NRXN1: variants seen among roughly 807,000 people sequenced by gnomAD.
The protein encoded by NRXN1 is neurexin-1.
NRXN1 carries 39 observed loss-of-function variants against 150.9 expected under a neutral mutation model. The observed-to-expected ratio is 0.26, with a 90% CI of 0.20 to 0.34. The LOEUF is 0.34. NRXN1 is among the 10% of genes least tolerant of loss of function. The pLI, the probability that NRXN1 is intolerant of heterozygous loss-of-function variation, is 1.00. For synonymous variants in NRXN1, 924 were observed against 757.0 expected (o/e 1.22, Z -3.62); for missense variants, 1,815 against 1,949.9 (o/e 0.93, Z 1.30).
At chr2:49,984,141 C>T (rs1011622034) in intron 21 of NRXN1, among the ~76,000 whole-genome samples, 28 of 151,844 alleles carry the variant, frequency 1.8e-4, no homozygotes, top group African/African-American at 5.8e-4. Flanking sequence ...CACTCCAGTG[C>T]GGTCAATAGA....
chr2:50,542,996 A>T (rs1463878068), intron 9 of NRXN1, among the ~76,000 whole-genome samples: 2 of 152,180 alleles, frequency 1.3e-5, no homozygotes, highest in African/African-American at 2.4e-5. Context: ...TCAAATTAAT[A>T]TTTAAACCTG....
At chr2:50,386,139 T>C (rs1041892447) in intron 17 of NRXN1, among the ~76,000 whole-genome samples, 5 of 152,078 alleles carry the variant, frequency 3.3e-5, no homozygotes, top group African/African-American at 1.2e-4. Context: ...GAAAAATATA[T>C]TTTAACAAGT....
At chr2:50,132,973 AGG>A (rs1166106065) in intron 18 of NRXN1, among the ~76,000 whole-genome samples, 1 of 152,094 alleles carries the variant, frequency 6.6e-6, no homozygotes, top group Non-Finnish European at 1.5e-5. Flanking sequence ...TGAGATAGAA[AGG>A]AGCTGCGTAA....
At chr2:50,987,873 A>G (rs1697958854) in intron 2 of NRXN1, among the ~76,000 whole-genome samples, 1 of 151,962 alleles carries the variant, frequency 6.6e-6, no homozygotes, top group Non-Finnish European at 1.5e-5. Context: ...GAAAAGGAAC[A>G]CTACGAAACA....
At chr2:50,847,120 A>G (rs945006218) in intron 5 of NRXN1, among the ~76,000 whole-genome samples, 2 of 152,190 alleles carry the variant, frequency 1.3e-5, no homozygotes, top group Non-Finnish European at 2.9e-5. Context: ...GTCTTGTGAC[A>G]TGCATCAGGG....
chr2:50,641,562 T>A (rs1249320882), intron 5 of NRXN1, among the ~76,000 whole-genome samples: 2 of 152,034 alleles, frequency 1.3e-5, no homozygotes, highest in Non-Finnish European at 2.9e-5. Flanking sequence ...ACATCAGAAT[T>A]CTATACAAAA....
At chr2:50,287,395 A>G (rs764846304) in intron 17 of NRXN1, among the ~76,000 whole-genome samples, 2 of 152,096 alleles carry the variant, frequency 1.3e-5, no homozygotes, top group Non-Finnish European at 2.9e-5. Flanking sequence ...TGGATAGGAG[A>G]CTAAAAATTG....
chr2:50,347,591 C>G lies in NRXN1; in HGVS notation c.3365-110621G>C, dbSNP rs2078125140. 1 of 1,012,100 alleles carries G rather than the reference C, an allele frequency of 9.9e-7. No individual in the cohort carries two copies. The highest frequency in any genetic ancestry group is 1.2e-6 in the Non-Finnish European group (1 of 845,980). The allele number at this position is 1,012,100 out of a possible 1,614,324, so 62.7% of individuals were successfully genotyped here. On this transcript the variant is annotated intron_variant, in intron 17 of 22. Transcript: ENST00000401669. The surrounding 1 kb of genome is among the most constrained non-coding windows in gnomAD (Gnocchi z 4.9). Reference sequence around the variant, plus strand: ...GCATCGCCTGCTCCCGAGGCAATCTCCGCGTCCGCCGCCTCCTGACACTTA... The same window carrying G: ...GCATCGCCTGCTCCCGAGGCAATCTGCGCGTCCGCCGCCTCCTGACACTTA...
chr2:50,740,816 G>C (rs778913356), intron 5 of NRXN1, among the ~76,000 whole-genome samples: 1 of 152,216 alleles, frequency 6.6e-6, no homozygotes, highest in Middle Eastern at 3.4e-3. Flanking sequence ...TTTTATTTTG[G>C]AATCAGAAAT....
At chr2:50,342,055 A>G (rs1034889606) in intron 17 of NRXN1, among the ~76,000 whole-genome samples, 2 of 152,124 alleles carry the variant, frequency 1.3e-5, no homozygotes, top group African/African-American at 4.8e-5. Flanking sequence ...GCCTCCTCCA[A>G]CCTCAACTCT....
chr2:50,590,344 A>G (rs2103793894), intron 8 of NRXN1, among the ~76,000 whole-genome samples: 1 of 152,272 alleles, frequency 6.6e-6, no homozygotes, highest in South Asian at 2.1e-4. Context: ...GCTCTATACA[A>G]TGCTGCTTCT....
intron 6 of NRXN1, among the ~76,000 whole-genome samples, chr2:50,621,614 T>C (rs1176864104): frequency 6.6e-6 from 1 of 152,074 alleles, no homozygotes; most frequent in Non-Finnish European, 1.5e-5. Flanking sequence ...TTCAAAGGCC[T>C]AAAGCGTTTC....
intron 17 of NRXN1, among the ~76,000 whole-genome samples, chr2:50,237,801 A>G (rs1439351394): frequency 1.3e-5 from 2 of 151,948 alleles, no homozygotes; most frequent in Non-Finnish European, 2.9e-5. Context: ...CTGTGTCCCC[A>G]CTCAAATCTC....
In NRXN1 at chr2:50,924,506, GA is replaced by G. The variant is rs796866563; in HGVS notation, c.790+1431del. On this transcript the variant is annotated intron_variant, in intron 3 of 22. Coordinates refer to ENST00000401669, the MANE Select transcript of NRXN1 (RefSeq NM_001330078.2). The stretch of plus-strand genomic sequence containing the variant: ...AAAAGCATTTCACAGGATGGATAAG[GA>G]AATGCAAAAGAAGTTGAAAAGATAC... Among the ~76,000 whole-genome samples, 97 of 151,684 alleles carry G rather than the reference GA, an allele frequency of 6.4e-4. 1 individual carries two copies. Among genetic ancestry groups the G allele is most frequent in the African/African-American group, 2.2e-3 (91 of 41,456 alleles).
intron 17 of NRXN1, among the ~76,000 whole-genome samples, chr2:50,350,500 A>T (rs2078332079): frequency 6.6e-6 from 1 of 152,184 alleles, no homozygotes; most frequent in African/African-American, 2.4e-5. Flanking sequence ...TGCATTGGGA[A>T]CACAAACGTT....
intron 2 of NRXN1, among the ~76,000 whole-genome samples, chr2:51,002,984 T>C (rs563200994): frequency 1.3e-5 from 2 of 152,100 alleles, no homozygotes; most frequent in South Asian, 4.1e-4. Context: ...AAATTAATTC[T>C]ATGTTCAAGC....
intron 17 of NRXN1, among the ~76,000 whole-genome samples, chr2:50,276,446 T>C (rs1005805873): frequency 5.9e-5 from 9 of 152,100 alleles, no homozygotes; most frequent in African/African-American, 2.2e-4. Flanking sequence ...TAAAGCAAGA[T>C]TATAGTGTAG....
intron 14 of NRXN1, among the ~76,000 whole-genome samples, chr2:50,496,972 G>C (rs988800965): frequency 1.3e-5 from 2 of 152,122 alleles, no homozygotes; most frequent in African/African-American, 4.8e-5. Context: ...ACTTGAATTA[G>C]CTATTTAATT....
intron 5 of NRXN1, among the ~76,000 whole-genome samples, chr2:50,857,197 G>A (rs147942897): frequency 1.3e-5 from 2 of 152,178 alleles, no homozygotes; most frequent in Non-Finnish European, 2.9e-5. Context: ...GTTGAGCTGT[G>A]TGCCCTCTGA....
Sources: gnomAD v4.1 joint callset for allele counts (sites outside exome capture counted in the v4.1 genomes callset) on GRCh38, gnomAD v4.1.1 for gene constraint, Gnocchi (gnomAD v3.1) non-coding constraint, MANE v1.5 for transcripts, NCBI Gene and HGNC (gene_info 2026-07-23, HGNC 2026-07-21) for gene names.